Variants in SIL1 observed in about 807,000 individuals in gnomAD.
SIL1 encodes the protein SIL1 nucleotide exchange factor.
SIL1 carries 40 observed loss-of-function variants against 49.1 expected under a neutral mutation model. The ratio of observed to expected loss-of-function variants is 0.81; its 90% confidence interval spans 0.63 to 1.06. The LOEUF (loss-of-function observed/expected upper bound fraction) is 1.06, where lower values mean the gene tolerates loss of function less well. Ranked by LOEUF, SIL1 falls within the 50% of genes least tolerant of loss-of-function variation. The probability of loss-of-function intolerance (pLI) is 0.00; values close to 1 mark genes in which losing one functional copy is unlikely to be tolerated. For missense variants in SIL1, 500 were observed against 572.6 expected (o/e 0.87, Z 1.29); for synonymous variants, 253 against 250.8 (o/e 1.01, Z -0.08).
intron 5 of SIL1, among the ~76,000 whole-genome samples, chr5:139,038,944 G>C (rs1452184226): frequency 2.6e-5 from 4 of 152,170 alleles, no homozygotes; most frequent in African/African-American, 9.7e-5. Context: ...AACCATGTTG[G>C]TGCTACCAGG....
In SIL1 at chr5:139,173,970, GA is replaced by G. The variant is rs796255530; in HGVS notation, c.-11+24298del. Among the ~76,000 whole-genome samples the G allele has an allele frequency of 1.0e-2, 749 of 74,906 alleles. 1 individual carries two copies. The highest frequency in any genetic ancestry group is 0.032 in the African/African-American group (667 of 20,570). The allele number at this position is 74,906 out of a possible 152,430, so 49.1% of individuals were successfully genotyped here. A position where few individuals can be genotyped will look rare whatever the true frequency, so the allele number is the denominator to read the frequency against. On this transcript the variant is annotated intron_variant, in intron 1 of 9. Transcript: ENST00000394817. ...TGAGACTCTGTCTCAAAAAATAAAA[GA>G]AAAAAAAAAAAACAGGAAAGATCAC...
chr5:139,129,997 G>A (rs1750828692), intron 1 of SIL1, among the ~76,000 whole-genome samples: 1 of 152,188 alleles, frequency 6.6e-6, no homozygotes, highest in African/African-American at 2.4e-5. Flanking sequence ...TGTCCAGAAT[G>A]TGTTGAGAAT....
At chr5:138,971,222 TACC>T (rs1767263156) in intron 7 of SIL1, among the ~76,000 whole-genome samples, 1 of 152,150 alleles carries the variant, frequency 6.6e-6, no homozygotes, top group Non-Finnish European at 1.5e-5. Context: ...CATTGTTTTA[TACC>T]ACCCCAGGCC....
intron 7 of SIL1, among the ~76,000 whole-genome samples, chr5:138,969,703 T>C (rs544350710): frequency 3.4e-4 from 52 of 152,320 alleles, no homozygotes; most frequent in South Asian, 2.5e-3. Context: ...TCAGAAAGAA[T>C]TGCATGAACC....
At chr5:139,087,731 G>A (rs1255785718) in intron 3 of SIL1, among the ~76,000 whole-genome samples, 1 of 152,138 alleles carries the variant, frequency 6.6e-6, no homozygotes, top group African/African-American at 2.4e-5. Flanking sequence ...AATGTCAAAA[G>A]TAGGGGAAGG....
chr5:139,041,081 C>G (rs1260148505), intron 5 of SIL1, among the ~76,000 whole-genome samples: 1 of 152,180 alleles, frequency 6.6e-6, no homozygotes, highest in African/African-American at 2.4e-5. Flanking sequence ...AAGCCCTGGC[C>G]AGTCCCTGTC....
intron 7 of SIL1, among the ~76,000 whole-genome samples, chr5:138,990,705 G>A (rs1381654136): frequency 6.6e-6 from 1 of 152,118 alleles, no homozygotes; most frequent in Non-Finnish European, 1.5e-5. Flanking sequence ...TAGGATTAGA[G>A]GCATGAGCCC....
chr5:139,059,524 A>G (rs1442141312), intron 3 of SIL1, among the ~76,000 whole-genome samples: 1 of 152,214 alleles, frequency 6.6e-6, no homozygotes, highest in Non-Finnish European at 1.5e-5. Flanking sequence ...ACATATACAT[A>G]TATGATTTAG....
At position 139,048,639 on chromosome 5, in the gene SIL1, G is replaced by C. The variant is rs145355192; in HGVS notation, c.353+2299C>G. On this transcript the variant is annotated intron_variant, in intron 4 of 9. Transcript: ENST00000394817. ...CCCGCCTCAGCCTCCCAAAATGTTG[G>C]TATTACAGGTGTGAACCACTGTACC... Among the ~76,000 whole-genome samples the C allele has an allele frequency of 2.0e-5, 3 of 152,130 alleles. No individual in the cohort carries two copies. The East Asian group carries it at 5.8e-4, about 29-fold the overall frequency.
intron 1 of SIL1, among the ~76,000 whole-genome samples, chr5:139,194,375 T>G (rs972481291): frequency 6.6e-6 from 1 of 152,170 alleles, no homozygotes; most frequent in African/African-American, 2.4e-5. Flanking sequence ...AAGGCCTCAC[T>G]CTGAATGGCA....
At chr5:138,950,195 A>G (rs1766736721) in intron 9 of SIL1, among the ~76,000 whole-genome samples, 1 of 152,256 alleles carries the variant, frequency 6.6e-6, no homozygotes, top group South Asian at 2.1e-4. Flanking sequence ...GGAAATGCCC[A>G]GCCAGCTGAC....
At chr5:138,951,936 G>C (rs1276816298) in intron 7 of SIL1, 52 bp from the exon 8 acceptor site, 2 of 1,501,416 alleles carry the variant, frequency 1.3e-6, no homozygotes, top group Admixed American at 1.7e-5. Context: ...CCAGGGATCG[G>C]ATGGTCAGGG....
intron 7 of SIL1, among the ~76,000 whole-genome samples, chr5:138,983,198 CAAAAAAAAAAAAA>C (rs33926268): frequency 2.1e-4 from 6 of 28,104 alleles, no homozygotes; most frequent in East Asian, 1.6e-3. Flanking sequence ...GACACTGTCT[CAAAAAAAAAAAAA>C]AAAAAAAAAA....
chr5:139,077,554 C>T (rs939932919), intron 3 of SIL1, among the ~76,000 whole-genome samples: 4 of 152,118 alleles, frequency 2.6e-5, no homozygotes, highest in South Asian at 4.1e-4. Flanking sequence ...ACTGTTTAAC[C>T]CCCTTAGCTT....
In SIL1 at chr5:138,985,704, C is replaced by G. The variant is rs75801486; in HGVS notation, c.768-33820G>C. 5.4e-3 allele frequency among the ~76,000 whole-genome samples: 820 copies of G among 152,330 alleles called. 4 individuals are homozygous for G. The highest frequency in any genetic ancestry group is 0.019 in the African/African-American group (785 of 41,580). On this transcript the variant is annotated intron_variant, in intron 7 of 9. Transcript: ENST00000394817. ...CAGTTCTCTGACTGTCGACCCAAGA[C>G]TGTATCCCATGTGTCCAGACTCCTG... is the stretch of plus-strand genomic sequence containing the variant.
chr5:139,041,123 A>AC (rs760218484), intron 5 of SIL1, among the ~76,000 whole-genome samples: 2 of 152,148 alleles, frequency 1.3e-5, no homozygotes, highest in Non-Finnish European at 2.9e-5. Context: ...TGCTGGCCTC[A>AC]CCTGTACCAG....
chr5:139,074,787 T>C (rs142213550), intron 3 of SIL1, among the ~76,000 whole-genome samples: 8 of 152,118 alleles, frequency 5.3e-5, no homozygotes, highest in Non-Finnish European at 1.0e-4. Flanking sequence ...CATCCCCTCT[T>C]GCCTTCAGAA....
At chr5:139,103,420 G>A (rs140842818) in intron 3 of SIL1, among the ~76,000 whole-genome samples, 170 of 152,332 alleles carry the variant, frequency 1.1e-3, no homozygotes, top group African/African-American at 3.8e-3. Context: ...AGTCTGTGGA[G>A]AATCAGAGAG....
At chr5:138,989,109 C>T (rs963074684) in intron 7 of SIL1, among the ~76,000 whole-genome samples, 11 of 152,096 alleles carry the variant, frequency 7.2e-5, no homozygotes, top group Non-Finnish European at 1.5e-4. Flanking sequence ...CCTCTGGTGC[C>T]GTTTGAATTT....
Sources: gnomAD v4.1 joint callset for allele counts (sites outside exome capture counted in the v4.1 genomes callset) on GRCh38, gnomAD v4.1.1 for gene constraint, MANE v1.5 for transcripts, NCBI Gene and HGNC (gene_info 2026-07-23, HGNC 2026-07-21) for gene names.